RNFT2: variants seen among roughly 807,000 people sequenced by gnomAD.
The protein encoded by RNFT2 is ring finger protein, transmembrane 2.
Under a neutral mutation model 53.0 loss-of-function variants are expected in RNFT2, and 36 were observed. The ratio of observed to expected loss-of-function variants is 0.68; its 90% CI spans 0.52 to 0.90. The LOEUF (loss-of-function observed/expected upper bound fraction) is 0.90, where lower values mean the gene tolerates loss of function less well. Ranked by LOEUF, RNFT2 falls within the 40% of genes least tolerant of loss-of-function variation. The pLI is 0.00. For missense variants in RNFT2, 514 were observed against 585.6 expected (o/e 0.88, Z 1.26); for synonymous variants, 260 against 253.2 (o/e 1.03, Z -0.26).
intron 10 of RNFT2, among the ~76,000 whole-genome samples, chr12:116,844,843 T>C (rs887461276): frequency 6.6e-6 from 1 of 152,156 alleles, no homozygotes; most frequent in African/African-American, 2.4e-5. Flanking sequence ...ACCTCTTTTG[T>C]CCAGGGTAGC....
At position 116,847,019 on chromosome 12, in the gene RNFT2, C is replaced by T. The variant is rs143121585; in HGVS notation, c.1201-2295C>T. ...TGCCCCCTGGGTTCAAACGATTCTCCTGCCTTAGCCTTCCAAGTAGCTGGG... is the reference window on the plus strand; with the variant it reads ...TGCCCCCTGGGTTCAAACGATTCTCTTGCCTTAGCCTTCCAAGTAGCTGGG... On this transcript the variant is annotated intron_variant, in intron 10 of 10. Coordinates refer to ENST00000257575, the MANE Select transcript of RNFT2 (RefSeq NM_001382266.1). 1.1e-3 allele frequency among the ~76,000 whole-genome samples: 162 copies of T among 151,972 alleles called. 2 individuals carry two copies. In the East Asian group the frequency reaches 0.028, roughly 26 times the overall value.
At chr12:116,804,197 G>A (rs1237549014) in intron 7 of RNFT2, among the ~76,000 whole-genome samples, 1 of 152,170 alleles carries the variant, frequency 6.6e-6, no homozygotes, top group Admixed American at 6.5e-5. Flanking sequence ...AACTTGTGCT[G>A]TTACACAGTG....
At chr12:116,746,669 T>A (rs1871910659) in intron 3 of RNFT2, among the ~76,000 whole-genome samples, 1 of 152,086 alleles carries the variant, frequency 6.6e-6, no homozygotes, top group African/African-American at 2.4e-5. Context: ...ATGATAAGAT[T>A]GGAGTTTGGA....
intron 7 of RNFT2, among the ~76,000 whole-genome samples, chr12:116,782,502 G>A (rs1320047329): frequency 6.6e-6 from 1 of 151,878 alleles, no homozygotes; most frequent in Non-Finnish European, 1.5e-5. Flanking sequence ...ACTCCAACCT[G>A]GGCAACAGAG....
chr12:116,794,998 G>T (rs1410174605), intron 7 of RNFT2, among the ~76,000 whole-genome samples: 2 of 151,956 alleles, frequency 1.3e-5, no homozygotes, highest in African/African-American at 4.8e-5. Context: ...CCCAAACCTT[G>T]GTAAGAAGGC....
intron 7 of RNFT2, among the ~76,000 whole-genome samples, chr12:116,819,565 G>C (rs1413772699): frequency 6.6e-6 from 1 of 152,126 alleles, no homozygotes; most frequent in Non-Finnish European, 1.5e-5. Context: ...GAGGCAGGCG[G>C]CCGGGCCAGC....
rs1183003726 is a variant in RNFT2, at chr12:116,851,600, C to T, written c.*2152C>T. On this transcript the variant is annotated 3_prime_UTR_variant, in exon 11 of 11. Transcript: ENST00000257575. The stretch of plus-strand genomic sequence containing the variant: ...CTAAAAAATACAAAAATTAGCCGGG[C>T]GCGGTGGCGGGTGCCTGTAATCCCA... The T allele has an allele frequency of 2.7e-5, 16 of 599,300 alleles. No homozygotes were observed. The highest frequency in any genetic ancestry group is 1.4e-4 in the East Asian group (5 of 36,156). The allele number at this position is 599,300 out of a possible 1,614,324, so 37.1% of individuals were successfully genotyped here.
At chr12:116,832,147 AAAT>A (rs1259672123) in intron 7 of RNFT2, among the ~76,000 whole-genome samples, 49 of 43,278 alleles carry the variant, frequency 1.1e-3, no homozygotes, top group Middle Eastern at 0.018. Flanking sequence ...AAAAAAAAAA[AAAT>A]ATATATATAT....
intron 6 of RNFT2, among the ~76,000 whole-genome samples, chr12:116,769,860 C>T (rs1446745293): frequency 2.0e-5 from 3 of 151,870 alleles, no homozygotes; most frequent in East Asian, 1.9e-4. Flanking sequence ...GGTGAAACCC[C>T]GTCTCTACTA....
At chr12:116,803,618 C>T (rs1442580914) in intron 7 of RNFT2, among the ~76,000 whole-genome samples, 3 of 152,200 alleles carry the variant, frequency 2.0e-5, no homozygotes, top group African/African-American at 4.8e-5. Flanking sequence ...CTTTTCAGCT[C>T]ATCAGAGTCC....
In RNFT2 at chr12:116,836,223, G is replaced by A. The variant is rs1483395622; in HGVS notation, c.1141G>A (p.Gly381Ser). The A allele has an allele frequency of 8.2e-6, 13 of 1,594,472 alleles. No homozygotes were observed. Among genetic ancestry groups the A allele is most frequent in the Non-Finnish European group, 1.1e-5 (13 of 1,170,632 alleles). The change falls in exon 10 of 11, where the codon GGT becomes AGT. Residue 381 changes from glycine to serine, a missense_variant. Physicochemically the swap from Gly to Ser is moderately conservative, Grantham distance 56. Around this residue, in one of 3 missense-constraint regions of RNFT2, gnomAD observed 273 missense variants for 334.4 expected, o/e 0.82. Coordinates refer to ENST00000257575, the MANE Select transcript of RNFT2 (RefSeq NM_001382266.1). The part of the protein sequence containing the change: ...RATGQQCTEA[G>S]DICAICQAEF... ...CACCGGGCAGCAGTGCACAGAAGCTGGTGACATCTGCGCCATCTGTCAGGC... is the reference window on the plus strand; with the variant it reads ...CACCGGGCAGCAGTGCACAGAAGCTAGTGACATCTGCGCCATCTGTCAGGC...
rs1455196508 is a variant in RNFT2, at chr12:116,851,157, C to T, written c.*1709C>T. On this transcript the variant is annotated 3_prime_UTR_variant, in exon 11 of 11. Transcript: ENST00000257575. ...TGGTGCGGTAACTTTCCCAGGGTCA[C>T]CCAGCCAGCATGGGCGGGCCAAGTT... is the stretch of plus-strand genomic sequence containing the variant. 1 of 152,086 alleles carries T rather than the reference C, an allele frequency of 6.6e-6. No individual in the cohort carries two copies. Among genetic ancestry groups the T allele is most frequent in the African/African-American group, 2.4e-5 (1 of 41,336 alleles). The allele number at this position is 152,086 out of a possible 1,614,324, so 9.4% of individuals were successfully genotyped here.
chr12:116,789,513 G>T (rs1250622759), intron 7 of RNFT2, among the ~76,000 whole-genome samples: 1 of 133,540 alleles, frequency 7.5e-6, no homozygotes, highest in African/African-American at 2.8e-5. Context: ...GGGTAAATGG[G>T]AGGAGAGTGG....
intron 4 of RNFT2, among the ~76,000 whole-genome samples, chr12:116,750,987 G>A (rs1212062970): frequency 7.5e-5 from 11 of 147,276 alleles, no homozygotes; most frequent in African/African-American, 2.0e-4. Context: ...TGCAACCTTC[G>A]CTTACTGCAA....
intron 4 of RNFT2, 123 bp downstream of exon 4, chr12:116,750,430 A>C: frequency 1.1e-6 from 1 of 904,832 alleles, no homozygotes; most frequent in Non-Finnish European, 1.7e-6. Flanking sequence ...CATGGGCTTC[A>C]GGATGTGGGA....
intron 7 of RNFT2, among the ~76,000 whole-genome samples, chr12:116,806,398 A>AGG: frequency 8.5e-6 from 1 of 117,514 alleles, no homozygotes; most frequent in Admixed American, 8.0e-5. Context: ...ATATATATAT[A>AGG]TAGATAGATA....
intron 2 of RNFT2, 95 bp from the exon 3 acceptor site, chr12:116,740,941 G>T: frequency 1.9e-6 from 2 of 1,028,284 alleles, no homozygotes; most frequent in South Asian, 2.7e-5. Flanking sequence ...TCTAAGATAC[G>T]ACTAGTGCAG....
At chr12:116,785,353 C>T (rs572612066) in intron 7 of RNFT2, among the ~76,000 whole-genome samples, 1 of 151,454 alleles carries the variant, frequency 6.6e-6, no homozygotes, top group Admixed American at 6.6e-5. Flanking sequence ...AGTACAGAGG[C>T]GCAATCACAG....
At chr12:116,846,617 A>G (rs757158125) in intron 10 of RNFT2, among the ~76,000 whole-genome samples, 1 of 151,974 alleles carries the variant, frequency 6.6e-6, no homozygotes, top group African/African-American at 2.4e-5. Flanking sequence ...CTTTTAAAAA[A>G]ACATTTTGTT....
Sources: allele counts gnomAD v4.1 joint callset (sites outside exome capture counted in the v4.1 genomes callset), GRCh38; gene constraint gnomAD v4.1.1; regional missense constraint gnomAD v4.1.1; transcripts MANE v1.5; gene names NCBI Gene and HGNC (gene_info 2026-07-23, HGNC 2026-07-21).